GOLGB1: variants seen among roughly 807,000 people sequenced by gnomAD.
The protein encoded by GOLGB1 is golgin subfamily B member 1.
A neutral mutation model predicts 336.9 loss-of-function variants in GOLGB1; 174 were observed. The observed-to-expected ratio is 0.52, with a 90% CI of 0.46 to 0.59. GOLGB1 has a LOEUF of 0.59. Ranked by LOEUF, GOLGB1 falls within the 20% of genes least tolerant of loss-of-function variation. GOLGB1 has a pLI of 0.00. For synonymous variants in GOLGB1, 1,208 were observed against 1,289.2 expected, an observed-to-expected ratio of 0.94 and a Z score of 1.35; for missense variants, 3,331 against 3,645.3, an observed-to-expected ratio of 0.91 and a Z score of 2.22.
Position 121,697,510 on chromosome 3 carries a change from T to A in GOLGB1, c.3013A>T (p.Ile1005Phe), listed in dbSNP as rs1943048955. Residue 1005 changes from isoleucine (I) to phenylalanine (F), a missense_variant, in exon 13 of 22, where the codon ATT becomes TTT. Coordinates refer to ENST00000614479, the MANE Select transcript of GOLGB1 (RefSeq NM_001366282.2). ...CTTTGCAGAAGCTCCTTTCTGTTAATAAGAGCTGCCTGGAGCTTTCTCTTT... is the reference window on the plus strand; with the variant it reads ...CTTTGCAGAAGCTCCTTTCTGTTAAAAAGAGCTGCCTGGAGCTTTCTCTTT... ...QRKRKLQAAL[I>F]NRKELLQRVS... 1 of 1,612,692 alleles carries A rather than the reference T, an allele frequency of 6.2e-7. No individual in the cohort carries two copies. Among genetic ancestry groups the A allele is most frequent in the African/African-American group, 1.3e-5 (1 of 74,724 alleles).
At chr3:121,719,954 A>G (rs1945063313) in intron 6 of GOLGB1, among the ~76,000 whole-genome samples, 186 bp from the exon 7 acceptor site, 1 of 152,208 alleles carries the variant, frequency 6.6e-6, no homozygotes, top group Non-Finnish European at 1.5e-5. Flanking sequence ...GAAATGCGAG[A>G]GAAAGCCTAT....
At chr3:121,719,366 A>C (rs1172577827) in intron 7 of GOLGB1, among the ~76,000 whole-genome samples, 2 of 152,242 alleles carry the variant, frequency 1.3e-5, no homozygotes, top group Non-Finnish European at 2.9e-5. Flanking sequence ...AGGTAGCTAT[A>C]ATCAGAAAAC....
chr3:121,688,881 T>C (rs1942087546), intron 14 of GOLGB1, among the ~76,000 whole-genome samples: 1 of 135,672 alleles, frequency 7.4e-6, no homozygotes, highest in Non-Finnish European at 1.5e-5. Context: ...AGCCGCCCCG[T>C]CTGAGAAGTG....
In GOLGB1 at chr3:121,694,245, T is replaced by C; in HGVS notation, c.6278A>G (p.Gln2093Arg). The change falls in exon 13 of 22, where the codon CAA (glutamine) becomes CGA (arginine). Residue 2093 changes from glutamine to arginine, a missense_variant. Gln to Arg is a conservative substitution (Grantham distance 43). Coordinates refer to ENST00000614479, the MANE Select transcript of GOLGB1 (RefSeq NM_001366282.2). ...ASFKVLLDDTQSEAARVLADN... is the reference protein window; with the variant it reads ...ASFKVLLDDTRSEAARVLADN... ...TGCTAGGACCCTTGCTGCTTCACTT[T>C]GAGTGTCATCTAGCAGGACTTTGAA... 2 of 1,610,822 alleles carry C rather than the reference T, an allele frequency of 1.2e-6. No homozygotes were observed. The highest frequency in any genetic ancestry group is 2.2e-5 in the South Asian group (2 of 91,084).
At chr3:121,668,251 C>A in intron 18 of GOLGB1, 93 bp from the exon 19 acceptor site, 1 of 656,300 alleles carries the variant, frequency 1.5e-6, no homozygotes, top group Non-Finnish European at 2.6e-6. Flanking sequence ...AGGACTATCC[C>A]CGCTTATAAT....
At position 121,719,830 on chromosome 3, in the gene GOLGB1, C is replaced by T. The variant is rs546013662; in HGVS notation, c.649-62G>A. 1.3e-4 allele frequency: 190 copies of T among 1,420,028 alleles called. 1 individual carries two copies. In the South Asian group the frequency reaches 2.5e-3, roughly 19 times the overall value. The allele number at this position is 1,420,028 out of a possible 1,614,324, so 88.0% of individuals were successfully genotyped here. A position where few individuals can be genotyped will look rare whatever the true frequency, so the allele number is the denominator to read the frequency against. ...CTCCCCGAATATTGCACAAATAAAACTCACAGACTACTTTCCAAGACAGAC... is the reference window on the plus strand; with the variant it reads ...CTCCCCGAATATTGCACAAATAAAATTCACAGACTACTTTCCAAGACAGAC... On this transcript the variant is annotated intron_variant, in intron 6 of 21. Transcript: ENST00000614479.
chr3:121,703,073 A>G (rs1943534847), intron 10 of GOLGB1, among the ~76,000 whole-genome samples: 1 of 152,242 alleles, frequency 6.6e-6, no homozygotes, highest in Non-Finnish European at 1.5e-5. Context: ...TCCAAGTATA[A>G]TAAAAATTCC....
At position 121,695,471 on chromosome 3, in the gene GOLGB1, T is replaced by C; in HGVS notation, c.5052A>G (p.Arg1684=). 6.2e-7 allele frequency: 1 copy of C among 1,614,072 alleles called. No homozygotes were observed. The highest frequency in any genetic ancestry group is 8.5e-7 in the Non-Finnish European group (1 of 1,179,996). The stretch of plus-strand genomic sequence containing the variant: ...TCTGCTGTTTAGATTTAGCAAACTT[T>C]CTCATCTTTTCTTTCATTTCCTCCA... ...QEMEEMKEKM[R]KFAKSKQQKI... is the part of the protein sequence containing the mutation. Residue 1684 remains arginine (R), a synonymous_variant, in exon 13 of 22, where the codon AGA becomes AGG. Coordinates refer to ENST00000614479, the MANE Select transcript of GOLGB1 (RefSeq NM_001366282.2).
rs772684691 is a variant in GOLGB1, at chr3:121,692,050, C to T, written c.7314G>A (p.Lys2438=). Residue 2438 remains lysine, a synonymous_variant, in exon 14 of 22, where the codon AAG becomes AAA. Transcript: ENST00000614479. ...TAAGCTGATTGGTTTTATCAACAGC[C>T]TTTTTGTTCTCCTCTTCTAAAACAA... ...ENIVLEEENK[K]AVDKTNQLME... is the part of the protein sequence containing the mutation. 23 of 1,612,492 alleles carry T rather than the reference C, an allele frequency of 1.4e-5. No individual in the cohort carries two copies. The highest frequency in any genetic ancestry group is 1.6e-5 in the Non-Finnish European group (19 of 1,179,656).
chr3:121,688,836 C>T (rs534488341), intron 14 of GOLGB1, among the ~76,000 whole-genome samples: 15 of 151,774 alleles, frequency 9.9e-5, no homozygotes, highest in Non-Finnish European at 2.1e-4. Context: ...TGCCCGGCCG[C>T]GACCCCGTCT....
intron 8 of GOLGB1, among the ~76,000 whole-genome samples, chr3:121,717,362 A>C (rs1944864299): frequency 6.6e-6 from 1 of 152,224 alleles, no homozygotes; most frequent in African/African-American, 2.4e-5. Flanking sequence ...AATGTGGACT[A>C]TAGCACCAAT....
rs549127369 is a variant in GOLGB1, at chr3:121,730,791, G to C, written c.96+85C>G. 1.3e-4 allele frequency: 169 copies of C among 1,326,506 alleles called. No homozygotes were observed. The African/African-American group carries it at 2.2e-3, about 17-fold the overall frequency. The allele number at this position is 1,326,506 out of a possible 1,614,324, so 82.2% of individuals were successfully genotyped here. On this transcript the variant is annotated intron_variant, in intron 2 of 21. Coordinates refer to ENST00000614479, the MANE Select transcript of GOLGB1 (RefSeq NM_001366282.2). ...CTTCACCTAGTACCAGGGAGGCTTC[G>C]CACACCCTTCTATCTTAAATTATTT...
intron 18 of GOLGB1, chr3:121,668,474 A>C (rs1576250897): frequency 1.1e-5 from 2 of 177,466 alleles, no homozygotes; most frequent in Non-Finnish European, 1.2e-5. Context: ...GGAGTTCAAG[A>C]CCAGCCTGGC....
intron 17 of GOLGB1, among the ~76,000 whole-genome samples, chr3:121,671,211 C>T (rs1244209569): frequency 6.6e-6 from 1 of 152,212 alleles, no homozygotes; most frequent in East Asian, 1.9e-4. Context: ...CTATATTTCA[C>T]TGTATCTATA....
chr3:121,696,724 C>T lies in GOLGB1; in HGVS notation c.3799G>A (p.Gly1267Ser), dbSNP rs1053204842. The change falls in exon 13 of 22, where the codon GGT (glycine) becomes AGT (serine). Residue 1267 changes from glycine to serine, a missense_variant. Coordinates refer to ENST00000614479, the MANE Select transcript of GOLGB1 (RefSeq NM_001366282.2). Reference protein sequence around the residue: ...DQQESCSSTPGLEEPLFKATE... With the variant: ...DQQESCSSTPSLEEPLFKATE... ...GCTTTGAATAAAGGTTCTTCTAAAC[C>T]TGGAGTGGAAGAACACGATTCCTGC... is the stretch of plus-strand genomic sequence containing the variant. The T allele has an allele frequency of 1.9e-6, 3 of 1,613,994 alleles. No individual in the cohort carries two copies. The highest frequency in any genetic ancestry group is 2.5e-6 in the Non-Finnish European group (3 of 1,179,998).
In GOLGB1 at chr3:121,664,611, G is replaced by A. The variant is rs147145432; in HGVS notation, c.9664C>T (p.Arg3222Trp). 651 of 1,613,596 alleles carry A rather than the reference G, an allele frequency of 4.0e-4. 1 individual carries two copies. Among genetic ancestry groups the A allele is most frequent in the Middle Eastern group, 1.6e-4 (1 of 6,084 alleles). The change falls in exon 22 of 22, where the codon CGG becomes TGG. Residue 3222 changes from arginine (R) to tryptophan (W), a missense_variant. Coordinates refer to ENST00000614479, the MANE Select transcript of GOLGB1 (RefSeq NM_001366282.2). ...ACTCGCTTCCATCCAACGCCACTCCGGGTCTGAAAGAAAAATGTGAAAGTC... is the reference window on the plus strand; with the variant it reads ...ACTCGCTTCCATCCAACGCCACTCCAGGTCTGAAAGAAAAATGTGAAAGTC... The part of the protein sequence containing the change: ...DLTSNSCRRT[R>W]SGVGWKRVLR...
intron 13 of GOLGB1, 23 bp downstream of exon 13, chr3:121,693,718 G>A (rs1200899371): frequency 1.9e-6 from 3 of 1,543,540 alleles, no homozygotes; most frequent in East Asian, 4.5e-5. Context: ...CTCTGGAGGA[G>A]GAAAAATTCA....
Position 121,669,247 on chromosome 3 carries a change from C to A in GOLGB1, c.9286G>T (p.Ala3096Ser), listed in dbSNP as rs538255158. The A allele has an allele frequency of 1.2e-6, 2 of 1,614,082 alleles. No homozygotes were observed. The highest frequency in any genetic ancestry group is 1.7e-6 in the Non-Finnish European group (2 of 1,179,968). Residue 3096 changes from alanine (A) to serine (S), a missense_variant, in exon 18 of 22, where the codon GCA (alanine) becomes TCA (serine). Physicochemically the swap from Ala to Ser is moderately conservative, Grantham distance 99 (BLOSUM62 1). Coordinates refer to ENST00000614479, the MANE Select transcript of GOLGB1 (RefSeq NM_001366282.2). The part of the protein sequence containing the change: ...QHYGDLLNHC[A>S]VLEKQVQELQ... ...TCTTGAACCTGCTTCTCCAAGACTG[C>A]ACAGTGATTTAAAAGGTCACCATAG...
intron 14 of GOLGB1, among the ~76,000 whole-genome samples, chr3:121,686,664 T>TACAC (rs35557945): frequency 8.0e-5 from 12 of 150,934 alleles, no homozygotes; most frequent in Admixed American, 6.6e-4. Flanking sequence ...ATTAAACATA[T>TACAC]ACACACACAC....
Sources: allele counts gnomAD v4.1 joint callset (sites outside exome capture counted in the v4.1 genomes callset), GRCh38; gene constraint gnomAD v4.1.1; transcripts MANE v1.5; gene names NCBI Gene and HGNC (gene_info 2026-07-23, HGNC 2026-07-21).